Variants in FBXL4 observed in about 807,000 individuals in gnomAD.
The protein encoded by FBXL4 is F-box and leucine rich repeat protein 4, also known as F-box/LRR-repeat protein 4.
In FBXL4, 40 loss-of-function variants were observed where a neutral mutation model predicts 58.9. That is an observed-to-expected ratio of 0.68 (90% CI 0.53 to 0.88). The LOEUF is 0.88. Among genes scored for constraint, FBXL4 ranks in the 40% least tolerant of loss-of-function variants. The pLI is 0.00. For synonymous variants in FBXL4, 263 were observed against 265.5 expected, an observed-to-expected ratio of 0.99 and a Z score of 0.09; for missense variants, 676 against 734.4, an observed-to-expected ratio of 0.92 and a Z score of 0.92.
intron 1 of FBXL4, among the ~76,000 whole-genome samples, chr6:98,946,217 C>T (rs1773615055): frequency 6.6e-6 from 1 of 152,070 alleles, no homozygotes; most frequent in Non-Finnish European, 1.5e-5. Context: ...CAAGAATACA[C>T]GGGAATTTAG....
rs1771778611 is a variant in FBXL4 at position 98,905,614 on chromosome 6, C to T, written c.915G>A (p.Gln305=). The change falls in exon 6 of 10, where the codon CAG becomes CAA. Residue 305 remains glutamine, a synonymous_variant. Coordinates refer to ENST00000369244, the MANE Select transcript of FBXL4 (RefSeq NM_001278716.2). ...AATGCTGGCTCAGTAGTTTGCAAGT[C>T]TGTGCTAATCTACACAGGTCTGGTA... ...LTLPDLCRLA[Q]TCKLLSQHCC... 6.2e-7 allele frequency: 1 copy of T among 1,613,754 alleles called. No homozygotes were observed. The highest frequency in any genetic ancestry group is 8.5e-7 in the Non-Finnish European group (1 of 1,179,898).
chr6:98,879,932 G>C (rs1403850344), intron 8 of FBXL4, among the ~76,000 whole-genome samples: 1 of 102,048 alleles, frequency 9.8e-6, no homozygotes, highest in African/African-American at 4.2e-5. Context: ...AACAGAGCAA[G>C]ACTCCATCTC....
chr6:98,925,944 C>T lies in FBXL4; in HGVS notation c.512+533G>A, dbSNP rs1015057912. On this transcript the variant is annotated intron_variant, in intron 4 of 9. Coordinates refer to ENST00000369244, the MANE Select transcript of FBXL4 (RefSeq NM_001278716.2). ...GAGGTTGAATGACAAAAACGACAGC[C>T]AAGGAGCTGTTATGCAAAACAGGCT... 2.6e-4 allele frequency among the ~76,000 whole-genome samples: 40 copies of T among 152,142 alleles called. 1 individual carries two copies. The highest frequency in any genetic ancestry group is 9.2e-4 in the African/African-American group (38 of 41,508).
chr6:98,899,039 A>G, intron 7 of FBXL4: 1 of 985,426 alleles, frequency 1.0e-6, no homozygotes, highest in Non-Finnish European at 1.2e-6. Context: ...AAATAGCATC[A>G]CAAAAATTTT....
intron 8 of FBXL4, among the ~76,000 whole-genome samples, 174 bp downstream of exon 8, chr6:98,880,377 CAA>C (rs556309179): frequency 4.9e-4 from 75 of 152,052 alleles, no homozygotes; most frequent in Non-Finnish European, 9.6e-4. Flanking sequence ...GTCAGTGTTT[CAA>C]AGACATACTT....
At chr6:98,887,394 T>A (rs971053300) in intron 7 of FBXL4, among the ~76,000 whole-genome samples, 2 of 152,250 alleles carry the variant, frequency 1.3e-5, no homozygotes, top group Admixed American at 1.3e-4. Context: ...ATCTTAAAGA[T>A]TGTAACTTTA....
intron 5 of FBXL4, among the ~76,000 whole-genome samples, chr6:98,912,134 T>C (rs1479350597): frequency 6.6e-6 from 1 of 152,050 alleles, no homozygotes; most frequent in African/African-American, 2.4e-5. Context: ...GAAAAAAGAA[T>C]AAAAAGAAAC....
In FBXL4 at chr6:98,873,246, T is replaced by C. The variant is rs901538468; in HGVS notation, c.*1032A>G. 8.1e-5 allele frequency: 12 copies of C among 147,682 alleles called. No homozygotes were observed. Among genetic ancestry groups the C allele is most frequent in the Non-Finnish European group, 1.0e-4 (7 of 67,128 alleles). The allele number at this position is 147,682 out of a possible 1,614,324, so 9.1% of individuals were successfully genotyped here. A position where few individuals can be genotyped will look rare whatever the true frequency, so the allele number is the denominator to read the frequency against. On this transcript the variant is annotated 3_prime_UTR_variant, in exon 10 of 10. Transcript: ENST00000369244. ...TATATATGTATATAATATATACATG[T>C]ACATTACATATAATATAAATGTAAT...
chr6:98,943,455 C>T (rs530307451), intron 1 of FBXL4, among the ~76,000 whole-genome samples: 2 of 151,516 alleles, frequency 1.3e-5, no homozygotes, highest in South Asian at 2.1e-4. Flanking sequence ...CACCTGCAGT[C>T]CAGGCTACTT....
At position 98,879,942 on chromosome 6, in the gene FBXL4, CA is replaced by C. The variant is rs57952065; in HGVS notation, c.1389+610del. Among the ~76,000 whole-genome samples the C allele has an allele frequency of 4.9e-3, 304 of 62,534 alleles. 2 individuals carry two copies. Among genetic ancestry groups the C allele is most frequent in the African/African-American group, 0.015 (232 of 15,200 alleles). 41.0% of individuals were successfully genotyped at this position (62,534 alleles called of 152,430 possible). ...CGGGCAACAGAGCAAGACTCCATCT[CA>C]AAAAAAAAAAAAAAAAAAAAAAAAT... On this transcript the variant is annotated intron_variant, in intron 8 of 9. Coordinates refer to ENST00000369244, the MANE Select transcript of FBXL4 (RefSeq NM_001278716.2).
At chr6:98,936,176 C>T (rs1009073492) in intron 1 of FBXL4, among the ~76,000 whole-genome samples, 1 of 152,092 alleles carries the variant, frequency 6.6e-6, no homozygotes, top group Non-Finnish European at 1.5e-5. Context: ...GTTAAATTAA[C>T]TTTAGTATAA....
intron 1 of FBXL4, among the ~76,000 whole-genome samples, chr6:98,935,429 G>C (rs1279189703): frequency 6.6e-6 from 1 of 151,894 alleles, no homozygotes; most frequent in Non-Finnish European, 1.5e-5. Context: ...ACATAACTTA[G>C]AAATAGATTC....
chr6:98,922,767 G>T (rs1398063867), intron 4 of FBXL4, among the ~76,000 whole-genome samples: 6 of 151,942 alleles, frequency 3.9e-5, no homozygotes, highest in Admixed American at 3.3e-4. Flanking sequence ...AATTTTTTTT[G>T]AACAGATGCA....
chr6:98,877,574 T>C (rs1264944534), intron 8 of FBXL4, among the ~76,000 whole-genome samples: 1 of 152,208 alleles, frequency 6.6e-6, no homozygotes, highest in Non-Finnish European at 1.5e-5. Context: ...CTTTATTAAC[T>C]ATAATTCCTT....
intron 6 of FBXL4, among the ~76,000 whole-genome samples, chr6:98,903,958 A>G (rs1214878564): frequency 6.6e-6 from 1 of 152,142 alleles, no homozygotes; most frequent in Non-Finnish European, 1.5e-5. Flanking sequence ...AACACCCACT[A>G]CAATGCCTTG....
intron 5 of FBXL4, among the ~76,000 whole-genome samples, chr6:98,912,189 T>C (rs1322161332): frequency 2.0e-5 from 3 of 152,136 alleles, no homozygotes; most frequent in South Asian, 4.1e-4. Context: ...AAAGACCAAA[T>C]CTATGTCTGA....
Position 98,917,441 on chromosome 6 carries a change from T to G in FBXL4, c.791A>C (p.Lys264Thr). 6.2e-7 allele frequency: 1 copy of G among 1,613,976 alleles called. No individual in the cohort carries two copies. Among genetic ancestry groups the G allele is most frequent in the Non-Finnish European group, 8.5e-7 (1 of 1,179,908 alleles). ...KDGCGMDSLNKKFSSAVLGEG... is the reference protein window; with the variant it reads ...KDGCGMDSLNTKFSSAVLGEG... ...CCCGAGGACAGCACTGCTAAACTTT[T>G]TGTTAAGACTGTCCATTCCACAACC... The change falls in exon 5 of 10, where the codon AAA (lysine) becomes ACA (threonine). Residue 264 changes from lysine (K) to threonine (T), a missense_variant. By Grantham distance (78) the Lys-to-Thr change is moderately conservative. Transcript: ENST00000369244.
rs1483294867 is a variant in FBXL4 at position 98,872,308 on chromosome 6, G to T, written c.*1970C>A. On this transcript the variant is annotated 3_prime_UTR_variant, in exon 10 of 10. Transcript: ENST00000369244. ...TGCTAAAAGGAAAATATCCAGAGAA[G>T]AAGTAACCTTTCAAGTGATGAATAT... 2 of 152,196 alleles carry T rather than the reference G, an allele frequency of 1.3e-5. No homozygotes were observed. The highest frequency in any genetic ancestry group is 4.8e-5 in the African/African-American group (2 of 41,462). The allele number at this position is 152,196 out of a possible 1,614,324, so 9.4% of individuals were successfully genotyped here.
chr6:98,939,873 C>T (rs915669270), intron 1 of FBXL4, among the ~76,000 whole-genome samples: 1 of 152,152 alleles, frequency 6.6e-6, no homozygotes, highest in African/African-American at 2.4e-5. Flanking sequence ...GCTCATGTGT[C>T]GATGATTAGC....
Sources: gnomAD v4.1 joint callset for allele counts (sites outside exome capture counted in the v4.1 genomes callset) on GRCh38, gnomAD v4.1.1 for gene constraint, MANE v1.5 for transcripts, NCBI Gene and HGNC (gene_info 2026-07-23, HGNC 2026-07-21) for gene names.